The following PI4KA variants were observed in gnomAD, a reference collection of about 807,000 sequenced individuals.
PI4KA encodes phosphatidylinositol 4-kinase alpha.
A neutral mutation model predicts 271.4 loss-of-function variants in PI4KA; 122 were observed. The observed-to-expected ratio is 0.45, with a 90% confidence interval of 0.39 to 0.52. The LOEUF (loss-of-function observed/expected upper bound fraction) is 0.52. Among genes scored for constraint, PI4KA ranks in the 20% least tolerant of loss-of-function variants. The probability of loss-of-function intolerance (pLI) is 0.00; values close to 1 mark genes in which losing one functional copy is unlikely to be tolerated. For synonymous variants in PI4KA, 1,041 were observed against 1,078.8 expected (o/e 0.96, Z 0.69); for missense variants, 1,969 against 2,769.1 (o/e 0.71, Z 6.48).
At chr22:20,710,071 G>C (rs1487793059) in intron 52 of PI4KA, 74 bp from the exon 53 acceptor site, 1 of 796,110 alleles carries the variant, frequency 1.3e-6, no homozygotes, top group Non-Finnish European at 2.3e-6. Flanking sequence ...CCTGTGGACT[G>C]GCTGATGCCA....
Position 20,793,227 on chromosome 22 carries a change from C to T in PI4KA, c.2294G>A (p.Gly765Glu), listed in dbSNP as rs1193757857. The T allele has an allele frequency of 6.3e-7, 1 of 1,577,648 alleles. No homozygotes were observed. ...GPALKASSSA[G>E]NLGVLIPVIA... ...TACAGGAATGAGTACTCCCAAGTTC[C>T]CTGCACTGCTAGAAGCCTAGAAAAG... Residue 765 changes from glycine (G) to glutamate (E), a missense_variant, in exon 19 of 55, where the codon GGG becomes GAG. Gly to Glu is a moderately conservative substitution (Grantham distance 98, BLOSUM62 -2). Coordinates refer to ENST00000255882, the MANE Select transcript of PI4KA (RefSeq NM_058004.4).
chr22:20,767,706 C>T (rs1932660089), intron 19 of PI4KA, among the ~76,000 whole-genome samples: 1 of 151,636 alleles, frequency 6.6e-6, no homozygotes, highest in African/African-American at 2.4e-5. Context: ...ACAACCTCAG[C>T]TCACTGCAAC....
At chr22:20,815,949 T>C (rs1921751865) in intron 7 of PI4KA, among the ~76,000 whole-genome samples, 3 of 152,070 alleles carry the variant, frequency 2.0e-5, no homozygotes, top group African/African-American at 4.8e-5. Context: ...CTTTTTTTTT[T>C]TTCCTGTGAG....
intron 48 of PI4KA, 129 bp from the exon 49 acceptor site, chr22:20,712,926 G>A (rs1327342890): frequency 7.7e-7 from 1 of 1,295,416 alleles, no homozygotes; most frequent in East Asian, 2.5e-5. Context: ...AGCCGAGCAA[G>A]AGTCTGGAAG....
At chr22:20,729,563 T>G in intron 38 of PI4KA, 57 bp from the exon 39 acceptor site, 1 of 1,551,428 alleles carries the variant, frequency 6.4e-7, no homozygotes, top group South Asian at 1.2e-5. Flanking sequence ...GCCCACACAC[T>G]GCCCCGGCCA....
rs1447948466 is a variant in PI4KA at position 20,710,748 on chromosome 22, G to A, written c.6034C>T (p.Pro2012Ser). 6.2e-7 allele frequency: 1 copy of A among 1,613,888 alleles called. No homozygotes were observed. Among genetic ancestry groups the A allele is most frequent in the Non-Finnish European group, 8.5e-7 (1 of 1,179,888 alleles). ...MIMGGKMEATPFKWFMEMCVR... is the reference protein window; with the variant it reads ...MIMGGKMEATSFKWFMEMCVR... ...CACATCTCCATGAACCACTTGAAGG[G>A]TGTGGCCTCCATCTTGCCCCCCATG... The change falls in exon 52 of 55, where the codon CCC becomes TCC. Residue 2012 changes from proline to serine, a missense_variant. By Grantham distance (74) the Pro-to-Ser change is moderately conservative. Transcript: ENST00000255882.
At chr22:20,781,580 G>A (rs1933802406) in intron 19 of PI4KA, among the ~76,000 whole-genome samples, 1 of 152,230 alleles carries the variant, frequency 6.6e-6, no homozygotes, top group African/African-American at 2.4e-5. Flanking sequence ...GCTCTACAAG[G>A]CAGGCATTCT....
intron 32 of PI4KA, chr22:20,734,786 C>G: frequency 1.5e-6 from 1 of 661,558 alleles, no homozygotes. Flanking sequence ...CAACCCGGTT[C>G]ACCGTGTGGA....
intron 18 of PI4KA, 88 bp downstream of exon 18, chr22:20,796,058 A>G: frequency 7.8e-7 from 1 of 1,275,868 alleles, no homozygotes; most frequent in South Asian, 1.3e-5. Context: ...AAAGTGCCAT[A>G]TTCCAACCAA....
intron 2 of PI4KA, among the ~76,000 whole-genome samples, chr22:20,836,829 T>C (rs759562580): frequency 2.6e-5 from 4 of 152,192 alleles, no homozygotes; most frequent in Admixed American, 6.5e-5. Flanking sequence ...TGCTAGTCCT[T>C]ACCCAGAACC....
chr22:20,820,497 A>G, intron 5 of PI4KA, 42 bp downstream of exon 5: 3 of 1,285,320 alleles, frequency 2.3e-6, no homozygotes. Flanking sequence ...GGAAAGAGTA[A>G]CCACAAAACC....
intron 40 of PI4KA, 39 bp from the exon 41 acceptor site, chr22:20,727,436 C>T: frequency 6.5e-7 from 1 of 1,540,468 alleles, no homozygotes; most frequent in Non-Finnish European, 8.7e-7. Flanking sequence ...CTTGGGCAGT[C>T]CCGGGACCTC....
At chr22:20,733,689 G>A (rs747892515) in intron 35 of PI4KA, 47 bp downstream of exon 35, 2 of 1,613,678 alleles carry the variant, frequency 1.2e-6, no homozygotes, top group Non-Finnish European at 8.5e-7. Context: ...GCACTTGGAG[G>A]GGCTGCGCCG....
intron 10 of PI4KA, 85 bp from the exon 11 acceptor site, chr22:20,805,250 T>C: frequency 1.1e-6 from 1 of 951,848 alleles, no homozygotes; most frequent in Admixed American, 2.2e-5. Context: ...AGTCTTCCCC[T>C]TTTAACAAAA....
Position 20,813,576 on chromosome 22 carries a change from C to T in PI4KA, c.857-70G>A, listed in dbSNP as rs1444745279. 53 of 1,392,696 alleles carry T rather than the reference C, an allele frequency of 3.8e-5. 1 individual carries two copies. Among genetic ancestry groups the T allele is most frequent in the South Asian group, 3.2e-4 (26 of 80,826 alleles). The allele number at this position is 1,392,696 out of a possible 1,614,324, so 86.3% of individuals were successfully genotyped here. A position where few individuals can be genotyped will look rare whatever the true frequency, so the allele number is the denominator to read the frequency against. ...CTAGGGTACTTCCTCAAGCTGACTCCCCCAATAACCAACAAAGGTGCAGAT... is the reference window on the plus strand; with the variant it reads ...CTAGGGTACTTCCTCAAGCTGACTCTCCCAATAACCAACAAAGGTGCAGAT... On this transcript the variant is annotated intron_variant, in intron 7 of 54. Transcript: ENST00000255882.
intron 19 of PI4KA, chr22:20,787,057 C>G (rs1310121084): frequency 1.9e-6 from 3 of 1,614,128 alleles, no homozygotes; most frequent in Admixed American, 3.3e-5. Flanking sequence ...CCAACCCCAG[C>G]AGGTCCTAGA....
chr22:20,773,642 T>C (rs1223077524), intron 19 of PI4KA, among the ~76,000 whole-genome samples: 1 of 152,146 alleles, frequency 6.6e-6, no homozygotes, highest in Non-Finnish European at 1.5e-5. Flanking sequence ...CACCTTTCAC[T>C]GAGGAACGAG....
chr22:20,820,327 T>C (rs1034614595), intron 5 of PI4KA, among the ~76,000 whole-genome samples: 3 of 152,190 alleles, frequency 2.0e-5, no homozygotes, highest in Admixed American at 6.5e-5. Flanking sequence ...GTGAAGTTAC[T>C]TGTCCAAGGT....
At chr22:20,770,093 A>C (rs1406315450) in intron 19 of PI4KA, among the ~76,000 whole-genome samples, 1 of 152,080 alleles carries the variant, frequency 6.6e-6, no homozygotes, top group Admixed American at 6.6e-5. Flanking sequence ...TGTCGACCAC[A>C]CTGGAGTAGG....
Sources: gnomAD v4.1 joint callset for allele counts (sites outside exome capture counted in the v4.1 genomes callset) on GRCh38, gnomAD v4.1.1 for gene constraint, MANE v1.5 for transcripts, NCBI Gene and HGNC (gene_info 2026-07-23, HGNC 2026-07-21) for gene names.